Variants in MAGI3 observed in about 807,000 individuals in gnomAD.
The protein encoded by MAGI3 is membrane associated guanylate kinase, WW and PDZ domain containing 3, also known as membrane-associated guanylate kinase, WW and PDZ domain-containing protein 3.
MAGI3 carries 43 observed loss-of-function variants against 121.8 expected under a neutral mutation model. That is an observed-to-expected ratio of 0.35 (90% CI 0.28 to 0.46). The LOEUF is 0.46. Ranked by LOEUF, MAGI3 falls within the 20% of genes least tolerant of loss-of-function variation. The pLI, the probability that MAGI3 is intolerant of heterozygous loss-of-function variation, is 1.00. For missense variants in MAGI3, 1,547 were observed against 1,797.3 expected, an observed-to-expected ratio of 0.86 and a Z score of 2.52; for synonymous variants, 553 against 639.3, an observed-to-expected ratio of 0.86 and a Z score of 2.04.
intron 1 of MAGI3, among the ~76,000 whole-genome samples, chr1:113,513,806 C>T (rs376461107): frequency 6.6e-6 from 1 of 152,108 alleles, no homozygotes; most frequent in Non-Finnish European, 1.5e-5. Context: ...AGAGCTTCTG[C>T]ACAGCAAAAG....
intron 19 of MAGI3, 125 bp from the exon 20 acceptor site, chr1:113,681,073 A>T: frequency 9.6e-7 from 1 of 1,040,674 alleles, no homozygotes; most frequent in Non-Finnish European, 1.4e-6. Flanking sequence ...AGTACTGGGT[A>T]CACGTTAGGT....
intron 1 of MAGI3, among the ~76,000 whole-genome samples, chr1:113,449,349 A>G (rs1414235820): frequency 9.2e-6 from 1 of 108,358 alleles, no homozygotes; most frequent in African/African-American, 3.2e-5. Context: ...TAAGTGTTGC[A>G]TTACTTTTAT....
intron 1 of MAGI3, among the ~76,000 whole-genome samples, chr1:113,488,304 C>T (rs12044485): frequency 0.15 from 22,925 of 152,158 alleles, 2,754 homozygotes; most frequent in East Asian, 0.63. Context: ...GACAGCCATC[C>T]CCATAGGCTC....
At chr1:113,581,894 A>T (rs1017973614) in intron 3 of MAGI3, among the ~76,000 whole-genome samples, 1 of 152,116 alleles carries the variant, frequency 6.6e-6, no homozygotes, top group Non-Finnish European at 1.5e-5. Context: ...AGAATCTCGG[A>T]ATACTGTAAT....
At chr1:113,471,091 G>A (rs1200911094) in intron 1 of MAGI3, among the ~76,000 whole-genome samples, 2 of 152,054 alleles carry the variant, frequency 1.3e-5, no homozygotes, top group Non-Finnish European at 2.9e-5. Context: ...TTTTGTTTAT[G>A]GTCTGAAATG....
At chr1:113,605,473 G>T (rs988903116) in intron 6 of MAGI3, among the ~76,000 whole-genome samples, 1 of 152,140 alleles carries the variant, frequency 6.6e-6, no homozygotes, top group African/African-American at 2.4e-5. Context: ...GAAAATGACT[G>T]GGGAGAGTAG....
intron 2 of MAGI3, among the ~76,000 whole-genome samples, chr1:113,561,479 G>A (rs1660231403): frequency 6.6e-6 from 1 of 152,062 alleles, no homozygotes; most frequent in African/African-American, 2.4e-5. Context: ...ATCAATAAAC[G>A]TAATTCACCA....
At chr1:113,477,958 T>C (rs1158929212) in intron 1 of MAGI3, among the ~76,000 whole-genome samples, 1 of 152,234 alleles carries the variant, frequency 6.6e-6, no homozygotes, top group Non-Finnish European at 1.5e-5. Context: ...CTTTGTTTTC[T>C]TGCTTTATTT....
At chr1:113,449,596 T>TC (rs1165497573) in intron 1 of MAGI3, 3 of 632,136 alleles carry the variant, frequency 4.7e-6, no homozygotes, top group African/African-American at 3.7e-5. Flanking sequence ...CATTTTTTTT[T>TC]CCCAATAGAT....
At chr1:113,477,455 G>C (rs1655887641) in intron 1 of MAGI3, among the ~76,000 whole-genome samples, 2 of 152,160 alleles carry the variant, frequency 1.3e-5, no homozygotes, top group South Asian at 4.1e-4. Flanking sequence ...TTGCTTGTCT[G>C]TATAGGATTT....
At chr1:113,492,159 G>C (rs902123520) in intron 1 of MAGI3, among the ~76,000 whole-genome samples, 7 of 152,114 alleles carry the variant, frequency 4.6e-5, no homozygotes, top group Non-Finnish European at 2.9e-5. Context: ...ACATCAAAAA[G>C]CTTATCCACC....
intron 9 of MAGI3, among the ~76,000 whole-genome samples, chr1:113,628,489 T>A (rs1196643064): frequency 6.6e-6 from 1 of 152,218 alleles, no homozygotes; most frequent in Non-Finnish European, 1.5e-5. Flanking sequence ...TCTATGTTTT[T>A]CTGTGTGCTA....
At chr1:113,521,298 C>G (rs1183677245) in intron 1 of MAGI3, among the ~76,000 whole-genome samples, 4 of 151,646 alleles carry the variant, frequency 2.6e-5, no homozygotes, top group African/African-American at 9.7e-5. Flanking sequence ...GTTGGCCAGG[C>G]TGGTCTTGAA....
chr1:113,554,270 T>C (rs964037908), intron 2 of MAGI3, among the ~76,000 whole-genome samples: 5 of 150,642 alleles, frequency 3.3e-5, no homozygotes, highest in African/African-American at 7.4e-5. Context: ...AAAAATTATA[T>C]ATAAATATTC....
At chr1:113,505,146 C>A (rs1197177633) in intron 1 of MAGI3, among the ~76,000 whole-genome samples, 2 of 151,850 alleles carry the variant, frequency 1.3e-5, no homozygotes, top group African/African-American at 4.8e-5. Context: ...GGAGGTAGGC[C>A]CATACCAGGT....
chr1:113,477,657 A>T (rs1444831791), intron 1 of MAGI3, among the ~76,000 whole-genome samples: 2 of 152,118 alleles, frequency 1.3e-5, no homozygotes, highest in Non-Finnish European at 2.9e-5. Context: ...GCTGCCCTTA[A>T]CACTTTTTCC....
intron 1 of MAGI3, among the ~76,000 whole-genome samples, chr1:113,495,877 G>A (rs1203635566): frequency 1.3e-5 from 2 of 152,170 alleles, no homozygotes; most frequent in African/African-American, 2.4e-5. Context: ...CCATATTAAA[G>A]TAGAGCAGTA....
At chr1:113,517,164 T>C (rs1000908157) in intron 1 of MAGI3, among the ~76,000 whole-genome samples, 5 of 152,006 alleles carry the variant, frequency 3.3e-5, no homozygotes, top group Admixed American at 6.6e-5. Flanking sequence ...GAATAAAATA[T>C]AAACTTTAGT....
At chr1:113,546,808 C>T (rs762195870) in intron 1 of MAGI3, among the ~76,000 whole-genome samples, 51 of 151,864 alleles carry the variant, frequency 3.4e-4, no homozygotes, top group Non-Finnish European at 6.2e-4. Flanking sequence ...TGAGGCCAGG[C>T]ACAGTGGCTC....
Sources: gnomAD v4.1 joint callset for allele counts (sites outside exome capture counted in the v4.1 genomes callset) on GRCh38, gnomAD v4.1.1 for gene constraint, MANE v1.5 for transcripts, NCBI Gene and HGNC (gene_info 2026-07-23, HGNC 2026-07-21) for gene names.